Variants in GPHN observed in about 807,000 individuals in gnomAD.
GPHN encodes gephyrin.
A neutral mutation model predicts 95.5 loss-of-function variants in GPHN; 17 were observed. The ratio of observed to expected loss-of-function variants is 0.18; its 90% confidence interval spans 0.12 to 0.27. The LOEUF is 0.27. Ranked by LOEUF, GPHN falls within the 10% of genes least tolerant of loss-of-function variation. The pLI is 1.00. For synonymous variants in GPHN, 320 were observed against 322.5 expected, an observed-to-expected ratio of 0.99 and a Z score of 0.08; for missense variants, 660 against 978.1, an observed-to-expected ratio of 0.67 and a Z score of 4.34.
chr14:67,503,846 G>A, the GPHN span, among the ~76,000 whole-genome samples: 10 of 151,046 alleles, frequency 6.6e-5, no homozygotes, highest in Admixed American at 6.0e-4. Context: ...TGGGATTACA[G>A]GTGCTCACCA....
chr14:67,511,813 G>T, the GPHN span, among the ~76,000 whole-genome samples: 96,397 of 151,888 alleles, frequency 0.63, 32,285 homozygotes, highest in Non-Finnish European at 0.76. Context: ...AGAGCCGAAG[G>T]CCACACTGGG....
intron 9 of GPHN, among the ~76,000 whole-genome samples, chr14:67,014,367 G>T (rs972651736): frequency 3.3e-5 from 5 of 152,100 alleles, no homozygotes; most frequent in African/African-American, 1.2e-4. Flanking sequence ...GCTAATAATG[G>T]TAGAGCCAAA....
At chr14:67,281,297 T>C in the GPHN span, among the ~76,000 whole-genome samples, 3 of 152,328 alleles carry the variant, frequency 2.0e-5, no homozygotes, top group East Asian at 5.8e-4. Context: ...TTTCTGTGTT[T>C]TAAGAAATCA....
At chr14:66,985,344 T>C (rs1181106460) in intron 9 of GPHN, among the ~76,000 whole-genome samples, 1 of 152,182 alleles carries the variant, frequency 6.6e-6, no homozygotes, top group African/African-American at 2.4e-5. Flanking sequence ...GAGAGAAAAG[T>C]ACATAGGTAT....
intron 4 of GPHN, among the ~76,000 whole-genome samples, chr14:66,836,496 G>C (rs2061822393): frequency 1.4e-5 from 2 of 142,522 alleles, no homozygotes. Flanking sequence ...AACCCTAGAA[G>C]AAAACCTAGG....
intron 5 of GPHN, among the ~76,000 whole-genome samples, chr14:66,893,918 C>T (rs1381884994): frequency 1.3e-4 from 20 of 152,188 alleles, no homozygotes; most frequent in South Asian, 4.2e-4. Context: ...GAATCAATAT[C>T]GTGAAAATGG....
rs1411502254 is a variant in GPHN, at chr14:66,888,399, A to G, written c.389+8366A>G. Among the ~76,000 whole-genome samples, 3 of 152,324 alleles carry G rather than the reference A, an allele frequency of 2.0e-5. No homozygotes were observed. In the South Asian group the frequency reaches 6.2e-4, roughly 32 times the overall value. ...AGACATGCATTTAAAAAATCAGTCT[A>G]TGATTTGGGGCATACAGTATGTAAA... is the stretch of plus-strand genomic sequence containing the variant. On this transcript the variant is annotated intron_variant, in intron 5 of 22. Coordinates refer to ENST00000478722, the MANE Select transcript of GPHN (RefSeq NM_020806.5).
the GPHN span, among the ~76,000 whole-genome samples, chr14:67,681,709 G>A: frequency 6.6e-6 from 1 of 152,148 alleles, no homozygotes; most frequent in East Asian, 1.9e-4. Context: ...TTGAACCCAG[G>A]AGGCGGAGGT....
chr14:66,709,522 G>T, intron 2 of GPHN: 1 of 406,892 alleles, frequency 2.5e-6, no homozygotes, highest in Non-Finnish European at 5.0e-6. Context: ...GATGATTCAT[G>T]TCCCAGTGGG....
At chr14:67,417,608 A>AAT in the GPHN span, among the ~76,000 whole-genome samples, 1 of 151,156 alleles carries the variant, frequency 6.6e-6, no homozygotes, top group African/African-American at 2.4e-5. Context: ...ATTAAAAAAA[A>AAT]TTTTTTTTTG....
intron 1 of GPHN, among the ~76,000 whole-genome samples, chr14:66,628,317 A>AG (rs888621092): frequency 6.6e-5 from 10 of 152,148 alleles, no homozygotes; most frequent in African/African-American, 2.2e-4. Context: ...ACACAAACCT[A>AG]GGTGGTATAG....
the GPHN span, chr14:67,467,627 A>G: frequency 6.6e-6 from 1 of 152,170 alleles, no homozygotes; most frequent in African/African-American, 2.4e-5. Context: ...TCTCCCTTCC[A>G]TCCCATTCCC....
At chr14:66,606,836 C>T (rs1595201316) in intron 1 of GPHN, among the ~76,000 whole-genome samples, 1 of 152,044 alleles carries the variant, frequency 6.6e-6, no homozygotes, top group East Asian at 1.9e-4. Flanking sequence ...GTTCCAGGAG[C>T]CTTTTGGCAG....
chr14:66,749,951 G>A (rs2058306556), intron 2 of GPHN, among the ~76,000 whole-genome samples: 1 of 151,714 alleles, frequency 6.6e-6, no homozygotes, highest in Non-Finnish European at 1.5e-5. Flanking sequence ...GGTAAATGGA[G>A]TATCCATCAC....
chr14:66,659,565 G>T (rs1234649976), intron 1 of GPHN, among the ~76,000 whole-genome samples: 1 of 151,776 alleles, frequency 6.6e-6, no homozygotes, highest in African/African-American at 2.4e-5. Flanking sequence ...ATTTTTTCAG[G>T]TATATCAGTT....
chr14:67,296,780 G>A, the GPHN span, among the ~76,000 whole-genome samples: 1 of 151,954 alleles, frequency 6.6e-6, no homozygotes, highest in African/African-American at 2.4e-5. Flanking sequence ...TGTCACCCAG[G>A]CTGCTGTGCA....
intron 17 of GPHN, among the ~76,000 whole-genome samples, chr14:67,133,529 G>T (rs538726903): frequency 6.6e-6 from 1 of 152,134 alleles, no homozygotes; most frequent in East Asian, 1.9e-4. Flanking sequence ...CCAGAATCAG[G>T]ATTATAGTAA....
chr14:67,057,025 G>A (rs2075610880), intron 10 of GPHN, among the ~76,000 whole-genome samples: 1 of 151,982 alleles, frequency 6.6e-6, no homozygotes, highest in Admixed American at 6.5e-5. Context: ...TGGCCCGCAA[G>A]TGCCACCCAC....
chr14:66,615,473 C>CT (rs59401816), intron 1 of GPHN, among the ~76,000 whole-genome samples: 1,929 of 135,878 alleles, frequency 0.014, 23 homozygotes, highest in Non-Finnish European at 0.02. Context: ...TGGTGTTGAG[C>CT]TTTTTTTTTT....
Sources: allele counts gnomAD v4.1 joint callset (sites outside exome capture counted in the v4.1 genomes callset), GRCh38; gene constraint gnomAD v4.1.1; transcripts MANE v1.5; gene names NCBI Gene and HGNC (gene_info 2026-07-23, HGNC 2026-07-21).